COL19A1: variants seen among roughly 807,000 people sequenced by gnomAD.
The protein encoded by COL19A1 is collagen alpha-1(XIX) chain.
Under a neutral mutation model 190.2 loss-of-function variants are expected in COL19A1, and 159 were observed. That is an observed-to-expected ratio of 0.84 (90% CI 0.73 to 0.95). COL19A1 has a LOEUF of 0.95. COL19A1 is among the 40% of genes least tolerant of loss of function. COL19A1 has a pLI of 0.00. For synonymous variants in COL19A1, 509 were observed against 458.9 expected (o/e 1.11, Z -1.39); for missense variants, 1,418 against 1,431.9 (o/e 0.99, Z 0.16).
intron 42 of COL19A1, among the ~76,000 whole-genome samples, chr6:70,177,073 G>C (rs1325035546): frequency 6.6e-6 from 1 of 151,980 alleles, no homozygotes; most frequent in Non-Finnish European, 1.5e-5. Context: ...GTTGCTCTCT[G>C]GTGTCAAATG....
At chr6:70,096,842 A>T (rs751679000) in intron 15 of COL19A1, among the ~76,000 whole-genome samples, 1 of 152,128 alleles carries the variant, frequency 6.6e-6, no homozygotes, top group Non-Finnish European at 1.5e-5. Flanking sequence ...AGATTCTCAG[A>T]TCTCACCCCA....
intron 24 of COL19A1, 104 bp downstream of exon 24, chr6:70,144,367 C>T: frequency 1.0e-6 from 1 of 979,136 alleles, no homozygotes. Flanking sequence ...TGGGATTGTA[C>T]AGATTGTGCA....
At chr6:70,034,799 A>G (rs539797622) in intron 13 of COL19A1, among the ~76,000 whole-genome samples, 1 of 152,334 alleles carries the variant, frequency 6.6e-6, no homozygotes, top group African/African-American at 2.4e-5. Flanking sequence ...GTTGTTTTGA[A>G]TAAAGTAGTT....
At position 70,171,830 on chromosome 6, in the gene COL19A1, A is replaced by G. The variant is rs1275687926; in HGVS notation, c.2569-134A>G. On this transcript the variant is annotated intron_variant, in intron 40 of 50. Transcript: ENST00000620364. ...ATAATACATTACTTAAAAATAGGGCATATCATTTCCTTGCTAAATTACACA... is the reference window on the plus strand; with the variant it reads ...ATAATACATTACTTAAAAATAGGGCGTATCATTTCCTTGCTAAATTACACA... 8.5e-6 allele frequency: 6 copies of G among 704,116 alleles called. No homozygotes were observed. The East Asian group carries it at 1.1e-4, about 13-fold the overall frequency. 43.6% of individuals were successfully genotyped at this position (704,116 alleles called of 1,614,324 possible).
chr6:70,192,767 G>A (rs1766963549), intron 48 of COL19A1, among the ~76,000 whole-genome samples: 1 of 152,164 alleles, frequency 6.6e-6, no homozygotes. Context: ...TAAACATGGG[G>A]CCCTATGTGA....
intron 48 of COL19A1, among the ~76,000 whole-genome samples, chr6:70,196,372 A>G (rs1332084643): frequency 6.6e-6 from 1 of 152,228 alleles, no homozygotes; most frequent in Non-Finnish European, 1.5e-5. Flanking sequence ...TGATTTCCCA[A>G]GGGAAATACT....
chr6:70,070,076 A>G (rs1781457158), intron 15 of COL19A1, among the ~76,000 whole-genome samples: 1 of 152,100 alleles, frequency 6.6e-6, no homozygotes, highest in Non-Finnish European at 1.5e-5. Flanking sequence ...TCATGTACAA[A>G]TGTATTTGAA....
chr6:70,171,940 ATTTC>A lies in COL19A1; in HGVS notation c.2569-21_2569-18del. ...AAAACATTTTGATTATTGCTCCTGC[ATTTC>A]TTATGTTCATATTTAACAGGGAGAG... On this transcript the variant is annotated intron_variant, in intron 40 of 50. Coordinates refer to ENST00000620364, the MANE Select transcript of COL19A1 (RefSeq NM_001858.6). The A allele has an allele frequency of 6.2e-7, 1 of 1,611,006 alleles. No homozygotes were observed. The highest frequency in any genetic ancestry group is 8.5e-7 in the Non-Finnish European group (1 of 1,178,028).
At chr6:70,201,556 C>G (rs1767556991) in intron 49 of COL19A1, among the ~76,000 whole-genome samples, 1 of 152,076 alleles carries the variant, frequency 6.6e-6, no homozygotes, top group Non-Finnish European at 1.5e-5. Flanking sequence ...TTTTGTGAAC[C>G]AAGGTTTACT....
chr6:70,076,872 C>G (rs1485175293), intron 15 of COL19A1, among the ~76,000 whole-genome samples: 1 of 152,160 alleles, frequency 6.6e-6, no homozygotes, highest in Admixed American at 6.5e-5. Flanking sequence ...GATCTTTATT[C>G]AGAACATTAC....
chr6:70,129,878 G>A (rs1785416611), intron 17 of COL19A1, among the ~76,000 whole-genome samples: 1 of 152,200 alleles, frequency 6.6e-6, no homozygotes, highest in South Asian at 2.1e-4. Context: ...CAGTTGAAGT[G>A]GCCAGATGTG....
At chr6:69,955,962 T>C (rs1360285701) in intron 9 of COL19A1, among the ~76,000 whole-genome samples, 1 of 152,088 alleles carries the variant, frequency 6.6e-6, no homozygotes, top group Non-Finnish European at 1.5e-5. Context: ...CAAAAGTATT[T>C]GACTTTAAGA....
chr6:70,154,649 GA>G (rs1787324040), intron 31 of COL19A1, among the ~76,000 whole-genome samples: 1 of 152,152 alleles, frequency 6.6e-6, no homozygotes, highest in African/African-American at 2.4e-5. Context: ...TCTGCAAGTC[GA>G]AGAGCAAGGA....
intron 44 of COL19A1, among the ~76,000 whole-genome samples, chr6:70,181,143 C>T (rs1766152660): frequency 6.6e-6 from 1 of 152,154 alleles, no homozygotes; most frequent in Admixed American, 6.5e-5. Context: ...ATGAATAAGA[C>T]AGATCTCACT....
chr6:69,873,527 T>G (rs1767960634), intron 1 of COL19A1, among the ~76,000 whole-genome samples: 1 of 152,248 alleles, frequency 6.6e-6, no homozygotes, highest in African/African-American at 2.4e-5. Flanking sequence ...CCATATCACC[T>G]GCTCTGTTAC....
In COL19A1 at chr6:70,001,409, G is replaced by T. The variant is rs140708224; in HGVS notation, c.1027-22218G>T. ...AGCTTTTTCTAATTCTGTGAAGAAT[G>T]TCAATGGTAGTTTGATAGGAATAGC... On this transcript the variant is annotated intron_variant, in intron 11 of 50. Transcript: ENST00000620364. 2.7e-3 allele frequency among the ~76,000 whole-genome samples: 414 copies of T among 152,294 alleles called. 2 individuals are homozygous for T. The highest frequency in any genetic ancestry group is 9.4e-3 in the African/African-American group (389 of 41,556).
chr6:69,936,954 T>C lies in COL19A1; in HGVS notation c.873+44T>C, dbSNP rs750609389. The C allele has an allele frequency of 3.1e-6, 5 of 1,602,364 alleles. No homozygotes were observed. In the Admixed American group the frequency reaches 8.4e-5, roughly 27 times the overall value. ...GTGCACACTGAAAGCCACTCCAGAC[T>C]ATGAGCCCAGCTCCTTGAATGTGGC... On this transcript the variant is annotated intron_variant, in intron 8 of 50. Transcript: ENST00000620364.
chr6:69,935,769 G>A (rs1470047477), intron 7 of COL19A1, among the ~76,000 whole-genome samples: 1 of 151,710 alleles, frequency 6.6e-6, no homozygotes, highest in Admixed American at 6.6e-5. Context: ...TGCAGGATGT[G>A]CAGGTTTGTT....
At chr6:69,937,047 G>A in intron 8 of COL19A1, 137 bp downstream of exon 8, 3 of 1,245,534 alleles carry the variant, frequency 2.4e-6, no homozygotes, top group Non-Finnish European at 3.3e-6. Context: ...ACTGGGGTGG[G>A]TTAAGAAAAA....
Sources: allele counts gnomAD v4.1 joint callset (sites outside exome capture counted in the v4.1 genomes callset), GRCh38; gene constraint gnomAD v4.1.1; transcripts MANE v1.5; gene names NCBI Gene and HGNC (gene_info 2026-07-23, HGNC 2026-07-21).